The following EFCAB5 variants were observed in gnomAD, a reference collection of about 807,000 sequenced individuals.
EFCAB5 encodes the protein EF-hand calcium-binding domain-containing protein 5.
Under a neutral mutation model 167.9 loss-of-function variants are expected in EFCAB5, and 131 were observed. The observed-to-expected ratio is 0.78, with a 90% CI of 0.68 to 0.90. The LOEUF is 0.90. Among genes scored for constraint, EFCAB5 ranks in the 40% least tolerant of loss-of-function variants. EFCAB5 has a pLI of 0.00. For missense variants in EFCAB5, 1,663 were observed against 1,745.2 expected (o/e 0.95, Z 0.84); for synonymous variants, 574 against 602.8 (o/e 0.95, Z 0.70).
chr17:29,930,205 G>A lies in EFCAB5; in HGVS notation c.-127+876G>A, dbSNP rs1049811387. On this transcript the variant is annotated intron_variant, in intron 1 of 3. Transcript: ENST00000448319. ...CGCTCCGAACGGGCGGCGGGCGGGC[G>A]GTTCCGCAGCTGCGGGGCACAATGA... is the stretch of plus-strand genomic sequence containing the variant. The A allele has an allele frequency of 8.9e-6, 5 of 561,788 alleles. No individual in the cohort carries two copies. In the Admixed American group the frequency reaches 1.0e-4, roughly 11 times the overall value. The allele number at this position is 561,788 out of a possible 1,614,324, so 34.8% of individuals were successfully genotyped here.
At chr17:29,990,092 T>C (rs1408804932) in intron 4 of EFCAB5, among the ~76,000 whole-genome samples, 2 of 152,140 alleles carry the variant, frequency 1.3e-5, no homozygotes, top group Non-Finnish European at 2.9e-5. Flanking sequence ...GAAGTTATAA[T>C]TGGTTGAAGA....
intron 1 of EFCAB5, among the ~76,000 whole-genome samples, chr17:29,932,449 C>CTTTTTTT (rs35262851): frequency 4.5e-5 from 3 of 66,746 alleles, no homozygotes; most frequent in Admixed American, 2.5e-4. Context: ...CTGTGCCCGG[C>CTTTTTTT]TTTTTTTTTT....
At chr17:29,968,018 G>GT (rs1178373825) in intron 3 of EFCAB5, among the ~76,000 whole-genome samples, 1 of 151,864 alleles carries the variant, frequency 6.6e-6, no homozygotes, top group East Asian at 1.9e-4. Flanking sequence ...GGGACCACAG[G>GT]TGTACGCCAC....
rs559103683 is a variant in EFCAB5 at position 29,979,183 on chromosome 17, C to T, written c.767+9816C>T. ...TGGCCAACATCGTGAAACCCTGTCT[C>T]TACTAAAAATACAAAATTTAGCCAG... On this transcript the variant is annotated intron_variant, in intron 4 of 22. Transcript: ENST00000394835. Among the ~76,000 whole-genome samples, 89 of 152,194 alleles carry T rather than the reference C, an allele frequency of 5.8e-4. 1 individual carries two copies. The highest frequency in any genetic ancestry group is 5.8e-3 in the Admixed American group (89 of 15,286).
At chr17:30,107,342 G>A (rs2071461846) in intron 22 of EFCAB5, among the ~76,000 whole-genome samples, 2 of 152,098 alleles carry the variant, frequency 1.3e-5, no homozygotes, top group South Asian at 2.1e-4. Flanking sequence ...CTATATTTGA[G>A]TTAGACTTTT....
chr17:29,966,885 T>C (rs1368864989), intron 3 of EFCAB5, among the ~76,000 whole-genome samples: 1 of 152,150 alleles, frequency 6.6e-6, no homozygotes, highest in Non-Finnish European at 1.5e-5. Context: ...CTACAAGATA[T>C]TCCAGGCACT....
At chr17:30,038,353 T>C (rs1449816007) in intron 8 of EFCAB5, among the ~76,000 whole-genome samples, 2 of 152,236 alleles carry the variant, frequency 1.3e-5, no homozygotes, top group African/African-American at 4.8e-5. Context: ...AAAGCCTAGA[T>C]AACAGTAGAT....
intron 19 of EFCAB5, 73 bp downstream of exon 19, chr17:30,087,239 A>G: frequency 8.2e-7 from 1 of 1,218,972 alleles, no homozygotes; most frequent in Non-Finnish European, 1.2e-6. Context: ...TGAAAGACAC[A>G]GCTTCTGACT....
chr17:30,081,518 A>T (rs2151836343), intron 17 of EFCAB5, among the ~76,000 whole-genome samples: 1 of 152,330 alleles, frequency 6.6e-6, no homozygotes, highest in African/African-American at 2.4e-5. Flanking sequence ...AAGATCATGA[A>T]ATAGCTAGAC....
At chr17:29,962,194 T>A (rs2067733120) in intron 3 of EFCAB5, among the ~76,000 whole-genome samples, 1 of 152,236 alleles carries the variant, frequency 6.6e-6, no homozygotes, top group East Asian at 1.9e-4. Flanking sequence ...TTCATATTAA[T>A]CTGAGGATCA....
chr17:30,009,803 T>A (rs1035016446), intron 7 of EFCAB5, among the ~76,000 whole-genome samples: 3 of 152,064 alleles, frequency 2.0e-5, no homozygotes, highest in Non-Finnish European at 4.4e-5. Flanking sequence ...ACTGCCAGAT[T>A]GTTTTCTTTT....
chr17:29,932,125 A>G (rs1443759001), intron 1 of EFCAB5, among the ~76,000 whole-genome samples: 1 of 151,982 alleles, frequency 6.6e-6, no homozygotes, highest in African/African-American at 2.4e-5. Flanking sequence ...ACTGTAAATA[A>G]AGCCCTCTAT....
chr17:29,977,440 A>G lies in EFCAB5; in HGVS notation c.767+8073A>G, dbSNP rs181654302. On this transcript the variant is annotated intron_variant, in intron 4 of 22. Coordinates refer to ENST00000394835, the MANE Select transcript of EFCAB5 (RefSeq NM_198529.4). ...ACTACAAATTTCCTCTCTTTTCTCA[A>G]CTAGTCTTGAACCATAATAACCTAG... is the stretch of plus-strand genomic sequence containing the variant. 2.0e-5 allele frequency among the ~76,000 whole-genome samples: 3 copies of G among 152,306 alleles called. No homozygotes were observed. In the East Asian group the frequency reaches 5.8e-4, roughly 29 times the overall value.
rs1567777317 is a variant in EFCAB5, at chr17:30,097,029, TAC to T, written c.4321+4095_4321+4096del. Among the ~76,000 whole-genome samples the T allele has an allele frequency of 9.1e-3, 1,104 of 120,792 alleles. 28 individuals are homozygous for T. The highest frequency in any genetic ancestry group is 0.039 in the African/African-American group (1,041 of 26,848). The allele number at this position is 120,792 out of a possible 152,430, so 79.2% of individuals were successfully genotyped here. On this transcript the variant is annotated intron_variant, in intron 22 of 22. Transcript: ENST00000394835. ...ATACATATACATATACATATACATATACATATACATATACATATACATATATA... is the reference window on the plus strand; with the variant it reads ...ATACATATACATATACATATACATATATATACATATACATATACATATATA...
chr17:29,960,545 T>C (rs1227029184), intron 3 of EFCAB5, among the ~76,000 whole-genome samples: 1 of 152,186 alleles, frequency 6.6e-6, no homozygotes, highest in African/African-American at 2.4e-5. Flanking sequence ...GTCACCTAGG[T>C]ATTAAGCCCC....
chr17:30,061,078 A>G (rs575178253), intron 14 of EFCAB5, among the ~76,000 whole-genome samples: 2 of 152,378 alleles, frequency 1.3e-5, no homozygotes, highest in Admixed American at 1.3e-4. Flanking sequence ...TGAGTAAGGT[A>G]TAGCAATAGG....
Position 29,975,454 on chromosome 17 carries a change from A to G in EFCAB5, c.767+6087A>G, listed in dbSNP as rs1289390451. On this transcript the variant is annotated intron_variant, in intron 4 of 22. Transcript: ENST00000394835. Reference sequence around the variant, plus strand: ...GTATTTTAAGTAGAGATGGGGTTTCACCATGTTGGCCAGGCTGGTCTCGAA... The same window carrying G: ...GTATTTTAAGTAGAGATGGGGTTTCGCCATGTTGGCCAGGCTGGTCTCGAA... 5.3e-5 allele frequency among the ~76,000 whole-genome samples: 8 copies of G among 152,064 alleles called. No homozygotes were observed. The East Asian group carries it at 1.5e-3, about 29-fold the overall frequency.
intron 7 of EFCAB5, among the ~76,000 whole-genome samples, chr17:30,008,180 AT>A (rs913020505): frequency 2.0e-5 from 3 of 152,222 alleles, no homozygotes; most frequent in Admixed American, 1.3e-4. Flanking sequence ...AAATAAGAAA[AT>A]TGTTAAAGGA....
chr17:30,094,648 C>T (rs950222905), intron 22 of EFCAB5, among the ~76,000 whole-genome samples: 6 of 152,050 alleles, frequency 3.9e-5, no homozygotes, highest in South Asian at 2.1e-4. Flanking sequence ...TGCCACTGCA[C>T]TCCAGCCTGG....
Sources: gnomAD v4.1 joint callset for allele counts (sites outside exome capture counted in the v4.1 genomes callset) on GRCh38, gnomAD v4.1.1 for gene constraint, MANE v1.5 for transcripts, NCBI Gene and HGNC (gene_info 2026-07-23, HGNC 2026-07-21) for gene names.